EPHA3: variants seen among roughly 807,000 people sequenced by gnomAD.
The protein encoded by EPHA3 is EPH receptor A3, also known as ephrin type-A receptor 3.
In EPHA3, 42 loss-of-function variants were observed where a neutral mutation model predicts 107.1. The ratio of observed to expected loss-of-function variants is 0.39; its 90% CI spans 0.31 to 0.51. The LOEUF is 0.51. EPHA3 is among the 20% of genes least tolerant of loss of function. EPHA3 has a pLI of 0.78. For missense variants in EPHA3, 1,183 were observed against 1,211.2 expected (o/e 0.98, Z 0.35); for synonymous variants, 461 against 424.8 (o/e 1.09, Z -1.05).
chr3:89,109,389 T>G (rs564625623), intron 1 of EPHA3, among the ~76,000 whole-genome samples: 6 of 152,022 alleles, frequency 3.9e-5, no homozygotes, highest in Non-Finnish European at 8.8e-5. Flanking sequence ...GTTTTAAAAA[T>G]TTTTGTTCTT....
chr3:89,125,422 A>T lies in EPHA3; in HGVS notation c.89-1787A>T, dbSNP rs182577749. 3.4e-3 allele frequency among the ~76,000 whole-genome samples: 522 copies of T among 151,818 alleles called. 13 individuals are homozygous for T. Among genetic ancestry groups the T allele is most frequent in the Non-Finnish European group, 6.1e-4 (41 of 67,654 alleles). ...AGGAAGTATTTTCATATTTTCAAAA[A>T]TTTTCTAACAGTTATCTGAAATATA... is the stretch of plus-strand genomic sequence containing the variant. On this transcript the variant is annotated intron_variant, in intron 1 of 16. Coordinates refer to ENST00000336596, the MANE Select transcript of EPHA3 (RefSeq NM_005233.6).
intron 1 of EPHA3, among the ~76,000 whole-genome samples, chr3:89,120,145 G>T (rs1340770311): frequency 6.6e-6 from 1 of 152,060 alleles, no homozygotes; most frequent in African/African-American, 2.4e-5. Context: ...ATGACTATTT[G>T]TATTTCATAA....
chr3:89,271,630 C>G (rs544195024), intron 3 of EPHA3, among the ~76,000 whole-genome samples: 41 of 151,186 alleles, frequency 2.7e-4, no homozygotes, highest in Non-Finnish European at 5.6e-4. Flanking sequence ...CCATCCATAC[C>G]GATAGCTGAT....
intron 3 of EPHA3, among the ~76,000 whole-genome samples, chr3:89,235,445 C>T (rs956210079): frequency 2.6e-5 from 4 of 152,028 alleles, no homozygotes; most frequent in East Asian, 1.9e-4. Flanking sequence ...CTTAGTATAG[C>T]GTCGTAATAA....
intron 5 of EPHA3, among the ~76,000 whole-genome samples, chr3:89,374,847 C>T (rs1708373176): frequency 6.6e-6 from 1 of 151,548 alleles, no homozygotes; most frequent in Admixed American, 6.6e-5. Context: ...AGAATAGCCA[C>T]CCAACTTAGA....
chr3:89,272,994 TAAGTGACTATTA>T (rs1463806915), intron 3 of EPHA3, among the ~76,000 whole-genome samples: 1 of 151,902 alleles, frequency 6.6e-6, no homozygotes, highest in South Asian at 2.1e-4. Context: ...TTACATTGGT[TAAGTGACTATTA>T]AAGGAAGTGA....
chr3:89,189,262 A>G (rs894950725), intron 2 of EPHA3, among the ~76,000 whole-genome samples: 1 of 152,216 alleles, frequency 6.6e-6, no homozygotes, highest in Non-Finnish European at 1.5e-5. Flanking sequence ...TTTCATTAGT[A>G]TTAATGTCCA....
chr3:89,387,087 T>A (rs1358061962), intron 5 of EPHA3, among the ~76,000 whole-genome samples: 2 of 152,194 alleles, frequency 1.3e-5, no homozygotes, highest in Non-Finnish European at 2.9e-5. Flanking sequence ...GGGTTAATGC[T>A]GGAATGAGTT....
At chr3:89,294,341 C>T (rs995868777) in intron 3 of EPHA3, among the ~76,000 whole-genome samples, 2 of 152,132 alleles carry the variant, frequency 1.3e-5, no homozygotes, top group African/African-American at 2.4e-5. Flanking sequence ...TGGAGAAAAT[C>T]ATTTGTTCAA....
intron 3 of EPHA3, among the ~76,000 whole-genome samples, chr3:89,221,234 T>G (rs1336862549): frequency 6.6e-6 from 1 of 152,158 alleles, no homozygotes; most frequent in Non-Finnish European, 1.5e-5. Context: ...TTCAATACTT[T>G]TCATTGTGTC....
At chr3:89,395,212 G>A (rs1366777634) in intron 5 of EPHA3, among the ~76,000 whole-genome samples, 1 of 152,140 alleles carries the variant, frequency 6.6e-6, no homozygotes, top group East Asian at 1.9e-4. Flanking sequence ...CTCTCATTAA[G>A]TATTTTTTTA....
intron 5 of EPHA3, among the ~76,000 whole-genome samples, chr3:89,344,855 A>T (rs1225249943): frequency 1.3e-5 from 2 of 152,186 alleles, no homozygotes; most frequent in African/African-American, 4.8e-5. Flanking sequence ...GTAGAAGATT[A>T]TGTTGTAAAT....
At chr3:89,326,672 G>A (rs1468794870) in intron 3 of EPHA3, among the ~76,000 whole-genome samples, 2 of 151,720 alleles carry the variant, frequency 1.3e-5, no homozygotes, top group Non-Finnish European at 1.5e-5. Context: ...TTTCAGGAGT[G>A]AGCCACTGCA....
intron 10 of EPHA3, among the ~76,000 whole-genome samples, chr3:89,417,378 T>C (rs571792354): frequency 6.6e-6 from 1 of 151,632 alleles, no homozygotes; most frequent in African/African-American, 2.4e-5. Context: ...GAATATGTGA[T>C]GATGACATCT....
intron 2 of EPHA3, among the ~76,000 whole-genome samples, chr3:89,166,924 G>A (rs764471705): frequency 2.0e-5 from 3 of 152,124 alleles, no homozygotes; most frequent in Non-Finnish European, 4.4e-5. Flanking sequence ...GGGGTTGAGT[G>A]GGGTCTTTAT....
At chr3:89,391,399 T>G (rs1708730822) in intron 5 of EPHA3, among the ~76,000 whole-genome samples, 1 of 147,318 alleles carries the variant, frequency 6.8e-6, no homozygotes, top group African/African-American at 2.6e-5. Flanking sequence ...TTTCTTTTCT[T>G]TTCTTTTCTT....
chr3:89,341,946 G>A lies in EPHA3; in HGVS notation c.1162G>A (p.Gly388Arg), dbSNP rs2107420518. The change falls in exon 5 of 17, where the codon GGA becomes AGA. Residue 388 changes from glycine to arginine, a missense_variant. Coordinates refer to ENST00000336596, the MANE Select transcript of EPHA3 (RefSeq NM_005233.6). The stretch of plus-strand genomic sequence containing the variant: ...TGTCCGCTTCCTCCCTCGACAGTTT[G>A]GACTCACCAACACCACGGTGACAGT... ...PNVRFLPRQF[G>R]LTNTTVTVTD... 6.2e-7 allele frequency: 1 copy of A among 1,613,306 alleles called. No individual in the cohort carries two copies. Among genetic ancestry groups the A allele is most frequent in the South Asian group, 1.1e-5 (1 of 90,988 alleles).
At chr3:89,117,016 TC>T (rs1264487178) in intron 1 of EPHA3, among the ~76,000 whole-genome samples, 1 of 152,090 alleles carries the variant, frequency 6.6e-6, no homozygotes, top group African/African-American at 2.4e-5. Flanking sequence ...TGAGCTGTCT[TC>T]CCTTTTAAGA....
rs761847794 is a variant in EPHA3, at chr3:89,208,477, A to AGAAAGAAAGAAAGAAAGAAG, written c.154-1377_154-1376insAAGAAAGAAAGAAGGAAAGA. Reference sequence around the variant, plus strand: ...AAGAAAGAAAGAAAGAAAGAAAGAAAGAAAGAGAAAAAGAAAGGAGGGAGG... The same window carrying AGAAAGAAAGAAAGAAAGAAG: ...AAGAAAGAAAGAAAGAAAGAAAGAAAGAAAGAAAGAAAGAAAGAAGGAAAGAGAAAAAGAAAGGAGGGAGG... On this transcript the variant is annotated intron_variant, in intron 2 of 16. Transcript: ENST00000336596. Among the ~76,000 whole-genome samples, 151 of 133,344 alleles carry AGAAAGAAAGAAAGAAAGAAG rather than the reference A, an allele frequency of 1.1e-3. 4 individuals are homozygous for AGAAAGAAAGAAAGAAAGAAG. Among genetic ancestry groups the AGAAAGAAAGAAAGAAAGAAG allele is most frequent in the Middle Eastern group, 3.8e-3 (1 of 264 alleles). 87.5% of individuals were successfully genotyped at this position (133,344 alleles called of 152,430 possible).
Sources: allele counts gnomAD v4.1 joint callset (sites outside exome capture counted in the v4.1 genomes callset), GRCh38; gene constraint gnomAD v4.1.1; transcripts MANE v1.5; gene names NCBI Gene and HGNC (gene_info 2026-07-23, HGNC 2026-07-21).